ZNF345: variants seen among roughly 807,000 people sequenced by gnomAD.
ZNF345 encodes the protein zinc finger protein 345, also known as zinc finger protein HZF10.
For missense variants in ZNF345, 527 were observed against 589.9 expected (o/e 0.89, Z 1.10); for synonymous variants, 166 against 187.9 (o/e 0.88, Z 0.95).
At chr19:36,876,413 C>T (rs1024767559) in intron 2 of ZNF345, among the ~76,000 whole-genome samples, 2 of 152,128 alleles carry the variant, frequency 1.3e-5, no homozygotes, top group Admixed American at 6.5e-5. Context: ...ATGTTTATAG[C>T]ACTAGATTCA....
intron 3 of ZNF345, among the ~76,000 whole-genome samples, chr19:36,885,198 T>C (rs1430085909): frequency 6.6e-6 from 1 of 151,864 alleles, no homozygotes; most frequent in African/African-American, 2.4e-5. Context: ...TATAGAAATA[T>C]TATATAACTA....
intron 2 of ZNF345, among the ~76,000 whole-genome samples, chr19:36,863,362 G>C (rs769328589): frequency 3.3e-4 from 50 of 152,324 alleles, no homozygotes; most frequent in Non-Finnish European, 5.9e-4. Context: ...CACTACTCCA[G>C]ATGATGTTAT....
chr19:36,889,835 C>T (rs2073033464), intron 3 of ZNF345: 2 of 151,926 alleles, frequency 1.3e-5, no homozygotes, highest in Admixed American at 1.3e-4. Context: ...TTTGTTTTTT[C>T]CTAGTTCCTT....
rs570858551 is a variant in ZNF345 at position 36,879,136 on chromosome 19, C to T, written c.*839C>T. ...CAGGCATGAGCCACCATGCCTGGCCCAGTGTTTGTTTTTTAAATTTATATA... is the reference window on the plus strand; with the variant it reads ...CAGGCATGAGCCACCATGCCTGGCCTAGTGTTTGTTTTTTAAATTTATATA... On this transcript the variant is annotated 3_prime_UTR_variant, in exon 3 of 3. Coordinates refer to ENST00000420450, the MANE Select transcript of ZNF345 (RefSeq NM_001242472.2). 1.2e-4 allele frequency: 20 copies of T among 166,988 alleles called. No individual in the cohort carries two copies. Among genetic ancestry groups the T allele is most frequent in the African/African-American group, 4.6e-4 (19 of 41,548 alleles). The allele number at this position is 166,988 out of a possible 1,614,324, so 10.3% of individuals were successfully genotyped here. A position where few individuals can be genotyped will look rare whatever the true frequency, so the allele number is the denominator to read the frequency against.
At chr19:36,852,132 T>TC (rs1309198002) in intron 2 of ZNF345, among the ~76,000 whole-genome samples, 2 of 141,002 alleles carry the variant, frequency 1.4e-5, no homozygotes, top group Non-Finnish European at 3.0e-5. Context: ...TTCTTTCTTT[T>TC]TTTTTTTTTT....
intron 2 of ZNF345, among the ~76,000 whole-genome samples, chr19:36,859,885 C>A (rs1365393361): frequency 6.6e-6 from 1 of 151,906 alleles, no homozygotes; most frequent in Non-Finnish European, 1.5e-5. Flanking sequence ...TCTGCACACA[C>A]ACACACACAC....
rs2072905541 is a variant in ZNF345, at chr19:36,877,369, G to A, written c.539G>A (p.Gly180Glu). 1.9e-6 allele frequency: 3 copies of A among 1,613,986 alleles called. No homozygotes were observed. The highest frequency in any genetic ancestry group is 1.3e-5 in the African/African-American group (1 of 74,896). The change falls in exon 3 of 3, where the codon GGG becomes GAG. Residue 180 changes from glycine to glutamate, a missense_variant. By Grantham distance (98) the Gly-to-Glu change is moderately conservative. Coordinates refer to ENST00000420450, the MANE Select transcript of ZNF345 (RefSeq NM_001242472.2). ...AAGCCTTATGAGTGTAAGGAATGTG[G>A]GAAGTCCTTTAGTTTTGAATCAGCC... ...GEKPYECKECGKSFSFESALI... is the reference protein window; with the variant it reads ...GEKPYECKECEKSFSFESALI...
intron 2 of ZNF345, chr19:36,872,708 G>A (rs2072795100): frequency 6.6e-6 from 1 of 152,172 alleles, no homozygotes; most frequent in African/African-American, 2.4e-5. Context: ...AGCAACACAA[G>A]TAGACTAAGG....
intron 2 of ZNF345, among the ~76,000 whole-genome samples, chr19:36,859,487 TTTTG>T (rs1462377817): frequency 6.6e-6 from 1 of 151,786 alleles, no homozygotes; most frequent in East Asian, 1.9e-4. Context: ...TCACCAGTTC[TTTTG>T]TTTTTTTTTT....
chr19:36,867,132 C>T (rs567732750), intron 2 of ZNF345, among the ~76,000 whole-genome samples: 1 of 152,108 alleles, frequency 6.6e-6, no homozygotes, highest in Admixed American at 6.5e-5. Context: ...GTATATTTGC[C>T]GCCGCCTTTG....
At chr19:36,873,012 T>C (rs1275384250) in intron 2 of ZNF345, among the ~76,000 whole-genome samples, 1 of 152,242 alleles carries the variant, frequency 6.6e-6, no homozygotes, top group Non-Finnish European at 1.5e-5. Context: ...TCAGTAGACG[T>C]TGGACTTTGT....
intron 2 of ZNF345, among the ~76,000 whole-genome samples, chr19:36,871,504 C>T (rs1396869535): frequency 6.6e-6 from 1 of 151,948 alleles, no homozygotes; most frequent in East Asian, 1.9e-4. Context: ...ACATATATCT[C>T]CTTAGTATTA....
chr19:36,891,797 C>A, intron 3 of ZNF345: 3 of 1,614,140 alleles, frequency 1.9e-6, no homozygotes, highest in South Asian at 2.2e-5. Context: ...CTATTAAAGG[C>A]CTTCCCACAC....
At chr19:36,881,532 AC>A (rs1328548947), downstream of ZNF345, among the ~76,000 whole-genome samples, 7 of 151,982 alleles carry the variant, frequency 4.6e-5, no homozygotes, top group South Asian at 1.5e-3. Context: ...TCTCTTTTAT[AC>A]CCCCCAGTCA....
At chr19:36,859,597 T>G (rs1274833770) in intron 2 of ZNF345, among the ~76,000 whole-genome samples, 1 of 152,110 alleles carries the variant, frequency 6.6e-6, no homozygotes, top group African/African-American at 2.4e-5. Context: ...TTTTATTTGG[T>G]AATTTCTTGA....
chr19:36,891,305 A>C (rs1327366571), intron 3 of ZNF345: 4 of 568,800 alleles, frequency 7.0e-6, no homozygotes, highest in Non-Finnish European at 1.1e-5. Context: ...CAGGCTCTAA[A>C]CTATGAGAGA....
downstream of ZNF345, among the ~76,000 whole-genome samples, chr19:36,884,540 G>A (rs1187839407): frequency 6.6e-6 from 1 of 152,104 alleles, no homozygotes; most frequent in Non-Finnish European, 1.5e-5. Context: ...TGCAATCCAG[G>A]GAAGCTCACC....
chr19:36,860,439 G>A (rs531400027), intron 2 of ZNF345, among the ~76,000 whole-genome samples: 7 of 151,976 alleles, frequency 4.6e-5, no homozygotes, highest in Non-Finnish European at 8.8e-5. Flanking sequence ...ATCTATCCAG[G>A]ATCCACTTTA....
In ZNF345 at chr19:36,878,074, G is replaced by A. The variant is rs780134126; in HGVS notation, c.1244G>A (p.Arg415Gln). ...TTTAGTAGTGGTTCAGCTCTTAATC[G>A]GCACCAGAGAATACACACTGGTGAG... ...KSFSSGSALN[R>Q]HQRIHTGEKP... The change falls in exon 3 of 3, where the codon CGG becomes CAG. Residue 415 changes from arginine (R) to glutamine (Q), a missense_variant. By Grantham distance (43) the Arg-to-Gln change is conservative. Transcript: ENST00000420450. The A allele has an allele frequency of 1.2e-6, 2 of 1,609,812 alleles. No individual in the cohort carries two copies. The highest frequency in any genetic ancestry group is 2.2e-5 in the East Asian group (1 of 44,576).
Sources: gnomAD v4.1 joint callset for allele counts (sites outside exome capture counted in the v4.1 genomes callset) on GRCh38, gnomAD v4.1.1 for gene constraint, MANE v1.5 for transcripts, NCBI Gene and HGNC (gene_info 2026-07-23, HGNC 2026-07-21) for gene names.